The following PTK2B variants were observed in gnomAD, a reference collection of about 807,000 sequenced individuals.
PTK2B encodes protein-tyrosine kinase 2-beta.
PTK2B carries 71 observed loss-of-function variants against 142.9 expected under a neutral mutation model. That is an observed-to-expected ratio of 0.50 (90% CI 0.41 to 0.61). The LOEUF is 0.61. PTK2B is among the 20% of genes least tolerant of loss of function. The pLI is 0.00. For synonymous variants in PTK2B, 519 were observed against 503.4 expected (o/e 1.03, Z -0.42); for missense variants, 1,105 against 1,320.4 (o/e 0.84, Z 2.53).
At position 27,397,580 on chromosome 8, in the gene PTK2B, A is replaced by T; in HGVS notation, c.-5A>T. 1 of 1,613,168 alleles carries T rather than the reference A, an allele frequency of 6.2e-7. No homozygotes were observed. Among genetic ancestry groups the T allele is most frequent in the South Asian group, 1.1e-5 (1 of 91,022 alleles). ...ATGTGCCGATCTTAGCTGCTGCCTG[A>T]GAGGATGTCTGGGGTGTCCGAGCCC... On this transcript the variant is annotated 5_prime_UTR_variant, in exon 2 of 31. Coordinates refer to ENST00000346049, the MANE Select transcript of PTK2B (RefSeq NM_173176.3).
chr8:27,438,914 G>C, intron 18 of PTK2B, 117 bp from the exon 19 acceptor site: 4 of 944,432 alleles, frequency 4.2e-6, no homozygotes, highest in Non-Finnish European at 6.5e-6. Flanking sequence ...CTGCTCTGGA[G>C]TCCGAGTCCC....
upstream of PTK2B, chr8:27,311,460 G>A: frequency 3.3e-6 from 2 of 607,282 alleles, no homozygotes; most frequent in South Asian, 2.3e-5. Flanking sequence ...AATCTTGGGA[G>A]AGCGGGGTGG....
At chr8:27,339,410 C>CTACT (rs1392517503) in intron 1 of PTK2B, among the ~76,000 whole-genome samples, 1 of 152,212 alleles carries the variant, frequency 6.6e-6, no homozygotes, top group East Asian at 1.9e-4. Flanking sequence ...CACTCACCAC[C>CTACT]TACTGCACAG....
intron 1 of PTK2B, among the ~76,000 whole-genome samples, chr8:27,383,261 C>T (rs988226271): frequency 6.6e-6 from 1 of 152,052 alleles, no homozygotes; most frequent in South Asian, 2.1e-4. Flanking sequence ...TCCCAACACA[C>T]GCCGAGATGG....
intron 2 of PTK2B, 122 bp downstream of exon 2, chr8:27,397,910 G>A (rs1048410288): frequency 1.4e-5 from 17 of 1,240,224 alleles, no homozygotes; most frequent in Non-Finnish European, 2.0e-5. Flanking sequence ...AAGAGGTGAG[G>A]TGGCATCAGA....
rs757968274 is a variant in PTK2B, at chr8:27,434,049, C to T, written c.1106-44C>T. 3.7e-6 allele frequency: 6 copies of T among 1,606,360 alleles called. No individual in the cohort carries two copies. In the South Asian group the frequency reaches 4.4e-5, roughly 12 times the overall value. On this transcript the variant is annotated intron_variant, in intron 11 of 30. Coordinates refer to ENST00000346049, the MANE Select transcript of PTK2B (RefSeq NM_173176.3). ...GGAGGTCAGTCACCCATCCAGGTCC[C>T]TGTGTCCCCAGCTCCAACCTCCTCC...
intron 1 of PTK2B, among the ~76,000 whole-genome samples, chr8:27,335,460 C>T (rs1804001073): frequency 1.3e-5 from 2 of 152,054 alleles, no homozygotes; most frequent in Admixed American, 6.6e-5. Context: ...GATATTGTGG[C>T]GCAGGCCTGT....
intron 9 of PTK2B, chr8:27,431,982 T>C: frequency 5.4e-6 from 2 of 367,650 alleles, no homozygotes; most frequent in Non-Finnish European, 9.7e-6. Context: ...CATGTTGAGA[T>C]TTTTTTGTGC....
intron 1 of PTK2B, among the ~76,000 whole-genome samples, chr8:27,329,283 C>T (rs1013475424): frequency 2.0e-5 from 3 of 152,170 alleles, no homozygotes; most frequent in Non-Finnish European, 4.4e-5. Context: ...CACAAACTCC[C>T]ACCTGTATCA....
At chr8:27,443,336 G>T (rs771902556) in intron 22 of PTK2B, among the ~76,000 whole-genome samples, 6 of 152,182 alleles carry the variant, frequency 3.9e-5, no homozygotes, top group East Asian at 3.8e-4. Context: ...TCTATACCCC[G>T]CATGGCCACC....
In PTK2B at chr8:27,420,643, A is replaced by C; in HGVS notation, c.384-14A>C. 6.2e-7 allele frequency: 1 copy of C among 1,611,028 alleles called. No homozygotes were observed. On this transcript the variant is annotated splice_polypyrimidine_tract_variant and intron_variant, in intron 3 of 30. Coordinates refer to ENST00000346049, the MANE Select transcript of PTK2B (RefSeq NM_173176.3). ...CTTCTCTGTGTCAACCAGAGCCTGAATGTCTTGTTGCAGGTATGACCTTCA... is the reference window on the plus strand; with the variant it reads ...CTTCTCTGTGTCAACCAGAGCCTGACTGTCTTGTTGCAGGTATGACCTTCA...
chr8:27,359,844 G>T (rs548181340), intron 1 of PTK2B, among the ~76,000 whole-genome samples: 3 of 152,186 alleles, frequency 2.0e-5, no homozygotes, highest in Admixed American at 6.5e-5. Context: ...TTGTAGTCAG[G>T]ATGGTATTTG....
At chr8:27,380,968 A>G (rs1806978618) in intron 1 of PTK2B, among the ~76,000 whole-genome samples, 2 of 152,218 alleles carry the variant, frequency 1.3e-5, no homozygotes, top group Non-Finnish European at 2.9e-5. Context: ...CAGAGATCTA[A>G]TGCACAGCAT....
intron 1 of PTK2B, among the ~76,000 whole-genome samples, chr8:27,381,953 C>T (rs1324333163): frequency 6.6e-6 from 1 of 152,062 alleles, no homozygotes; most frequent in Non-Finnish European, 1.5e-5. Flanking sequence ...ATTTCTATGT[C>T]TTCTTTGTTT....
intron 28 of PTK2B, 36 bp from the exon 29 acceptor site, chr8:27,454,118 T>TC: frequency 6.2e-7 from 1 of 1,613,092 alleles, no homozygotes; most frequent in Non-Finnish European, 8.5e-7. Context: ...CCCCTGGCTC[T>TC]CCCCAACTCA....
intron 21 of PTK2B, 138 bp from the exon 22 acceptor site, chr8:27,442,737 C>T: frequency 1.5e-6 from 1 of 662,176 alleles, no homozygotes; most frequent in South Asian, 1.9e-5. Context: ...GGACACTCTG[C>T]AGTGAAGATC....
At chr8:27,436,027 C>T (rs1477218828) in intron 14 of PTK2B, among the ~76,000 whole-genome samples, 1 of 152,112 alleles carries the variant, frequency 6.6e-6, no homozygotes, top group African/African-American at 2.4e-5. Flanking sequence ...ATTCTAGTAA[C>T]GTGGACCTGG....
At chr8:27,421,721 T>G (rs1479703992) in intron 4 of PTK2B, among the ~76,000 whole-genome samples, 1 of 152,252 alleles carries the variant, frequency 6.6e-6, no homozygotes, top group Non-Finnish European at 1.5e-5. Flanking sequence ...GGATACCTAC[T>G]TGGCTTACAA....
chr8:27,451,671 C>T (rs752796567), intron 27 of PTK2B, 162 bp downstream of exon 27: 88 of 1,477,074 alleles, frequency 6.0e-5, no homozygotes, highest in Non-Finnish European at 7.7e-5. Context: ...CCAGCTTCCC[C>T]TCCGCTCCCT....
Sources: allele counts gnomAD v4.1 joint callset (sites outside exome capture counted in the v4.1 genomes callset), GRCh38; gene constraint gnomAD v4.1.1; transcripts MANE v1.5; gene names NCBI Gene and HGNC (gene_info 2026-07-23, HGNC 2026-07-21).